The following PTPN23 variants were observed in gnomAD, a reference collection of about 807,000 sequenced individuals.
PTPN23 encodes the protein protein tyrosine phosphatase non-receptor type 23, also known as tyrosine-protein phosphatase non-receptor type 23.
A neutral mutation model predicts 156.3 loss-of-function variants in PTPN23; 72 were observed. That is an observed-to-expected ratio of 0.46 (90% CI 0.38 to 0.56). PTPN23 has a LOEUF of 0.56. Among genes scored for constraint, PTPN23 ranks in the 20% least tolerant of loss-of-function variants. PTPN23 has a pLI of 0.00. For synonymous variants in PTPN23, 957 were observed against 899.6 expected (o/e 1.06, Z -1.14); for missense variants, 1,974 against 2,171.5 (o/e 0.91, Z 1.81).
At chr3:47,403,135 C>T (rs1705035744) in intron 2 of PTPN23, among the ~76,000 whole-genome samples, 1 of 151,474 alleles carries the variant, frequency 6.6e-6, no homozygotes, top group Non-Finnish European at 1.5e-5. Context: ...ACTGCAGGCT[C>T]CGCCCCCCGG....
intron 2 of PTPN23, among the ~76,000 whole-genome samples, chr3:47,399,398 C>T (rs1255733737): frequency 1.3e-5 from 2 of 152,004 alleles, no homozygotes; most frequent in Non-Finnish European, 2.9e-5. Flanking sequence ...GGTGGGGAGA[C>T]CAAGCTTCTT....
chr3:47,386,717 T>TA, intron 1 of PTPN23, among the ~76,000 whole-genome samples: 1 of 152,202 alleles, frequency 6.6e-6, no homozygotes, highest in Non-Finnish European at 1.5e-5. Flanking sequence ...GCCTGTTACC[T>TA]GTGGTGGTGA....
rs1705236163 is a variant in PTPN23, at chr3:47,410,208, C to T, written c.2410C>T (p.Gln804Ter). 3 of 1,610,314 alleles carry T rather than the reference C, an allele frequency of 1.9e-6. No homozygotes were observed. The highest frequency in any genetic ancestry group is 1.3e-5 in the African/African-American group (1 of 74,814). Residue 804 changes from glutamine to a stop codon, truncating the protein, a stop_gained, in exon 20 of 25, where the codon CAG becomes TAG. Transcript: ENST00000265562. LOFTEE classifies it high-confidence loss of function. ...CTACTCGGGCCCCACCCAGCTGATA[C>T]AGCCCAGGGCCCCAGGGCCCCATGC... ...GTYSGPTQLI[Q>*]PRAPGPHAMP...
chr3:47,409,500 C>T lies in PTPN23; in HGVS notation c.1881C>T (p.Leu627=), dbSNP rs757043275. 1 of 1,614,140 alleles carries T rather than the reference C, an allele frequency of 6.2e-7. No individual in the cohort carries two copies. Residue 627 remains leucine (L), a synonymous_variant, in exon 18 of 25, where the codon CTC becomes CTT. Transcript: ENST00000265562. ...EQNLAAQDRV[L]CALTEANVQY... ...ACCTGGCCGCCCAGGACCGTGTCCT[C>T]TGTGCACTGACAGAGGCCAACGTGC...
chr3:47,403,862 G>A (rs1419169251), intron 2 of PTPN23, among the ~76,000 whole-genome samples: 1 of 152,128 alleles, frequency 6.6e-6, no homozygotes, highest in Non-Finnish European at 1.5e-5. Context: ...TAATAATGCT[G>A]TGATGAATAT....
At position 47,411,416 on chromosome 3, in the gene PTPN23, C is replaced by G; in HGVS notation, c.3618C>G (p.Ala1206=). ...RELQDAQEHD[A]RGRSIAIARC... is the part of the protein sequence containing the mutation. ...TGCAAGATGCGCAGGAACATGATGC[C>G]CGAGGCCGTTCCATCGCCATTGCCC... The change falls in exon 20 of 25, where the codon GCC becomes GCG. Residue 1206 remains alanine (A), a synonymous_variant. Coordinates refer to ENST00000265562, the MANE Select transcript of PTPN23 (RefSeq NM_015466.4). The surrounding 1 kb of genome is among the most constrained non-coding windows in gnomAD (Gnocchi z 6.3). 1 of 1,613,060 alleles carries G rather than the reference C, an allele frequency of 6.2e-7. No individual in the cohort carries two copies.
Position 47,410,641 on chromosome 3 carries a change from C to G in PTPN23, c.2843C>G (p.Ala948Gly). 6.2e-7 allele frequency: 1 copy of G among 1,611,926 alleles called. No individual in the cohort carries two copies. Among genetic ancestry groups the G allele is most frequent in the South Asian group, 1.1e-5 (1 of 90,996 alleles). The change falls in exon 20 of 25, where the codon GCC becomes GGC. Residue 948 changes from alanine (A) to glycine (G), a missense_variant. Transcript: ENST00000265562. ...TCTGGGATCCCCGCAGGTTTTCCAG[C>G]CCCAAGGATTGGGCCCCAGCCCCAG... ...FSSGIPAGFP[A>G]PRIGPQPQPH... is the part of the protein sequence containing the mutation.
rs781565034 is a variant in PTPN23 at position 47,406,657 on chromosome 3, G to C, written c.759+45G>C. Reference sequence around the variant, plus strand: ...GGGCGGGGCAGGGCGGGGCTGAGTGGCCACAGCTCAGGAAGCAAGTCGTGG... The same window carrying C: ...GGGCGGGGCAGGGCGGGGCTGAGTGCCCACAGCTCAGGAAGCAAGTCGTGG... On this transcript the variant is annotated intron_variant, in intron 8 of 24. Transcript: ENST00000265562. This position sits in a 1 kb window ranked among gnomAD's most constrained non-coding sequence, Gnocchi z 5.8. 2 of 1,613,970 alleles carry C rather than the reference G, an allele frequency of 1.2e-6. No homozygotes were observed. Among genetic ancestry groups the C allele is most frequent in the Admixed American group, 1.7e-5 (1 of 60,018 alleles).
intron 2 of PTPN23, among the ~76,000 whole-genome samples, chr3:47,398,117 G>A (rs1223578453): frequency 2.6e-5 from 4 of 152,110 alleles, no homozygotes; most frequent in Non-Finnish European, 5.9e-5. Context: ...CCAACATGGC[G>A]AAACCCCCTC....
Position 47,406,300 on chromosome 3 carries a change from G to A in PTPN23, c.547-25G>A. ...AGCGGGAGGCCTTGGGTGAGCGAGG[G>A]AGTGCACCTCACGTGTCGCCCCAGG... On this transcript the variant is annotated intron_variant, in intron 6 of 24. Coordinates refer to ENST00000265562, the MANE Select transcript of PTPN23 (RefSeq NM_015466.4). The surrounding 1 kb of genome is among the most constrained non-coding windows in gnomAD (Gnocchi z 5.8). The A allele has an allele frequency of 1.2e-6, 2 of 1,612,642 alleles. No individual in the cohort carries two copies. The highest frequency in any genetic ancestry group is 1.7e-6 in the Non-Finnish European group (2 of 1,179,568).
Position 47,411,090 on chromosome 3 carries a change from C to T in PTPN23, c.3292C>T (p.Pro1098Ser), listed in dbSNP as rs1576231658. The T allele has an allele frequency of 3.8e-6, 6 of 1,589,764 alleles. No homozygotes were observed. In the East Asian group the frequency reaches 1.1e-4, roughly 30 times the overall value. The change falls in exon 20 of 25, where the codon CCC becomes TCC. Residue 1098 changes from proline (P) to serine (S), a missense_variant. This residue lies in a region of PTPN23 where 731 missense variants were observed against 669.1 expected (regional missense o/e 1.09). Transcript: ENST00000265562. This position sits in a 1 kb window ranked among gnomAD's most constrained non-coding sequence, Gnocchi z 6.3. ...CCCATCTCCAGGGCCTGGTCCGGTACCCCCTCGCCCCCCAGCAGCAGAACC... is the reference window on the plus strand; with the variant it reads ...CCCATCTCCAGGGCCTGGTCCGGTATCCCCTCGCCCCCCAGCAGCAGAACC... ...PAPSPGPGPV[P>S]PRPPAAEPPP... is the part of the protein sequence containing the mutation.
chr3:47,411,961 C>T lies in PTPN23; in HGVS notation c.4067C>T (p.Pro1356Leu). Residue 1356 changes from proline to leucine, a missense_variant, in exon 21 of 25, where the codon CCT (proline) becomes CTT (leucine). Around this residue, in one of 4 missense-constraint regions of PTPN23, gnomAD observed 484 missense variants for 516.0 expected, o/e 0.94. Coordinates refer to ENST00000265562, the MANE Select transcript of PTPN23 (RefSeq NM_015466.4). This position sits in a 1 kb window ranked among gnomAD's most constrained non-coding sequence, Gnocchi z 6.3. ...GTGCACCTGCACTTCCCCACTTGGC[C>T]TGAGTTGTGAGTCCACTGCTCTGGA... The part of the protein sequence containing the change: ...SLVHLHFPTW[P>L]ELGLPDSPSN... 1 of 1,611,134 alleles carries T rather than the reference C, an allele frequency of 6.2e-7. No homozygotes were observed. Among genetic ancestry groups the T allele is most frequent in the Non-Finnish European group, 8.5e-7 (1 of 1,178,638 alleles).
Position 47,409,932 on chromosome 3 carries a change from C to T in PTPN23, c.2134C>T (p.Leu712=), listed in dbSNP as rs767963459. The T allele has an allele frequency of 6.0e-5, 94 of 1,570,150 alleles. No individual in the cohort carries two copies. The highest frequency in any genetic ancestry group is 1.5e-4 in the Admixed American group (8 of 53,192). The change falls in exon 20 of 25, where the codon CTG becomes TTG. Residue 712 remains leucine (L), a synonymous_variant. Coordinates refer to ENST00000265562, the MANE Select transcript of PTPN23 (RefSeq NM_015466.4). ...TTTTCCTTGCCTGTCGCACAGGGAG[C>T]TGAAGAAGAAGCCGCCGCCACGGCC... ...AARQQLLDRE[L]KKKPPPRPTA...
intron 2 of PTPN23, among the ~76,000 whole-genome samples, chr3:47,398,097 A>G (rs1431236839): frequency 6.7e-6 from 1 of 148,760 alleles, no homozygotes; most frequent in African/African-American, 2.5e-5. Flanking sequence ...GGAGTTCGAG[A>G]CCAGCCTGGC....
At chr3:47,404,218 A>C (rs1454004684) in intron 2 of PTPN23, among the ~76,000 whole-genome samples, 3 of 152,096 alleles carry the variant, frequency 2.0e-5, no homozygotes, top group Non-Finnish European at 4.4e-5. Flanking sequence ...GTGGATCACA[A>C]GGTCAAGTGT....
At chr3:47,400,088 G>A (rs1218755731) in intron 2 of PTPN23, among the ~76,000 whole-genome samples, 1 of 152,196 alleles carries the variant, frequency 6.6e-6, no homozygotes, top group Non-Finnish European at 1.5e-5. Context: ...GGGATTACAG[G>A]CGTGAGTCAC....
chr3:47,407,486 C>G lies in PTPN23; in HGVS notation c.924-19C>G. 2 of 1,612,734 alleles carry G rather than the reference C, an allele frequency of 1.2e-6. No individual in the cohort carries two copies. The highest frequency in any genetic ancestry group is 1.7e-6 in the Non-Finnish European group (2 of 1,178,760). On this transcript the variant is annotated intron_variant, in intron 11 of 24. Transcript: ENST00000265562. The surrounding 1 kb of genome is among the most constrained non-coding windows in gnomAD (Gnocchi z 4.0). ...CTGACACCCCGTGACTGCCCACTCCCCCTGCTCCTGATCCCCAGGTACAAT... is the reference window on the plus strand; with the variant it reads ...CTGACACCCCGTGACTGCCCACTCCGCCTGCTCCTGATCCCCAGGTACAAT...
Position 47,406,609 on chromosome 3 carries a change from T to G in PTPN23, c.756T>G (p.Ala252=). 1 of 1,613,698 alleles carries G rather than the reference T, an allele frequency of 6.2e-7. No homozygotes were observed. The highest frequency in any genetic ancestry group is 8.5e-7 in the Non-Finnish European group (1 of 1,179,938). The change falls in exon 8 of 25, where the codon GCT becomes GCG. Residue 252 remains alanine (A), a synonymous_variant. Transcript: ENST00000265562. This position sits in a 1 kb window ranked among gnomAD's most constrained non-coding sequence, Gnocchi z 5.8. The stretch of plus-strand genomic sequence containing the variant: ...AGATCTACTACTTCGCAGCCGTGGC[T>G]CATGTGAGGGCCTGGGGCCCCAGGG... The part of the protein sequence containing the change: ...QMKIYYFAAV[A]HLHMGKQAEE...
chr3:47,409,217 T>C lies in PTPN23; in HGVS notation c.1697T>C (p.Met566Thr), dbSNP rs2107719884. 6.2e-7 allele frequency: 1 copy of C among 1,614,162 alleles called. No individual in the cohort carries two copies. The highest frequency in any genetic ancestry group is 8.5e-7 in the Non-Finnish European group (1 of 1,180,032). The part of the protein sequence containing the change: ...LKRILAKVQE[M>T]RDQRVSLEQQ... ...CGCATCCTGGCTAAGGTGCAGGAGA[T>C]GCGGGACCAGCGCGTGTCCCTGGAG... Residue 566 changes from methionine to threonine, a missense_variant, in exon 17 of 25, where the codon ATG becomes ACG. Met to Thr is a moderately conservative substitution (Grantham distance 81). This residue lies in a region of PTPN23 where 726 missense variants were observed against 929.5 expected (regional missense o/e 0.78). Transcript: ENST00000265562.
Sources: gnomAD v4.1 joint callset for allele counts (sites outside exome capture counted in the v4.1 genomes callset) on GRCh38, gnomAD v4.1.1 for gene constraint, gnomAD v4.1.1 regional missense constraint, Gnocchi (gnomAD v3.1) non-coding constraint, MANE v1.5 for transcripts, NCBI Gene and HGNC (gene_info 2026-07-23, HGNC 2026-07-21) for gene names.